RIGI: variants seen among roughly 807,000 people sequenced by gnomAD.
The protein encoded by RIGI is RNA sensor RIG-I, also known as antiviral innate immune response receptor RIG-I.
the RIGI span, among the ~76,000 whole-genome samples, chr9:32,508,239 A>ATTTTTTTTTTTTTTTTTTTTTTT: frequency 0.028 from 1,946 of 70,228 alleles, 564 homozygotes; most frequent in Non-Finnish European, 0.037. Flanking sequence ...TATTTACTTA[A>ATTTTTTTTTTTTTTTTTTTTTTT]TTTTTTTTTT....
At chr9:32,464,212 G>A in the RIGI span, among the ~76,000 whole-genome samples, 1 of 151,476 alleles carries the variant, frequency 6.6e-6, no homozygotes, top group Non-Finnish European at 1.5e-5. Flanking sequence ...TTTGCCCTCT[G>A]TTCTGCAGAG....
chr9:32,457,682 C>G, the RIGI span, among the ~76,000 whole-genome samples: 3 of 152,098 alleles, frequency 2.0e-5, no homozygotes, highest in Non-Finnish European at 2.9e-5. Flanking sequence ...TAAGAAGGTT[C>G]CAGGTAACCC....
At chr9:32,459,593 CA>C in the RIGI span, 3 of 1,329,828 alleles carry the variant, frequency 2.3e-6, no homozygotes, top group Non-Finnish European at 3.1e-6. Flanking sequence ...ACGTACAATA[CA>C]TATACATGCA....
At chr9:32,499,164 G>A in the RIGI span, among the ~76,000 whole-genome samples, 20 of 151,526 alleles carry the variant, frequency 1.3e-4, no homozygotes, top group Admixed American at 8.5e-4. Context: ...TTCATTCTTC[G>A]TATTCATTGA....
At chr9:32,459,279 A>C in the RIGI span, 2 of 1,414,440 alleles carry the variant, frequency 1.4e-6, no homozygotes, top group South Asian at 2.5e-5. Flanking sequence ...TAACAATGGA[A>C]ATAATAGTAG....
the RIGI span, chr9:32,459,252 AC>A: frequency 8.2e-7 from 1 of 1,219,014 alleles, no homozygotes; most frequent in Non-Finnish European, 1.2e-6. Flanking sequence ...TTTTAAATAC[AC>A]AGATCATGGC....
the RIGI span, chr9:32,489,575 A>C: frequency 2.4e-5 from 12 of 498,576 alleles, no homozygotes; most frequent in African/African-American, 2.2e-4. Context: ...GAAAGTTTAG[A>C]ATCCTTTCTC....
the RIGI span, among the ~76,000 whole-genome samples, chr9:32,473,902 C>T: frequency 6.6e-6 from 1 of 152,140 alleles, no homozygotes; most frequent in African/African-American, 2.4e-5. Flanking sequence ...GTGGCACACA[C>T]CTGTAGTCTC....
the RIGI span, among the ~76,000 whole-genome samples, chr9:32,503,258 A>C: frequency 1.3e-5 from 2 of 152,208 alleles, no homozygotes; most frequent in East Asian, 3.9e-4. Flanking sequence ...TTCCCAGATA[A>C]ACTGCCTTGC....
At chr9:32,492,747 T>A in the RIGI span, among the ~76,000 whole-genome samples, 2 of 152,304 alleles carry the variant, frequency 1.3e-5, no homozygotes, top group East Asian at 3.9e-4. Flanking sequence ...ACACATGATG[T>A]CACTATGTCA....
At chr9:32,473,995 T>G in the RIGI span, among the ~76,000 whole-genome samples, 3 of 152,130 alleles carry the variant, frequency 2.0e-5, no homozygotes, top group Non-Finnish European at 4.4e-5. Flanking sequence ...GCCACTGCAC[T>G]CCGGCCTGGG....
chr9:32,499,925 T>C, the RIGI span, among the ~76,000 whole-genome samples: 1 of 152,222 alleles, frequency 6.6e-6, no homozygotes, highest in African/African-American at 2.4e-5. Flanking sequence ...CAGCTTGAGT[T>C]TGTTCGGCTT....
chr9:32,484,230 A>T, the RIGI span, among the ~76,000 whole-genome samples: 2 of 152,224 alleles, frequency 1.3e-5, no homozygotes, highest in Non-Finnish European at 2.9e-5. Flanking sequence ...AAATGTATTC[A>T]TGAAGACTAA....
the RIGI span, among the ~76,000 whole-genome samples, chr9:32,468,210 T>C: frequency 1.3e-5 from 2 of 152,354 alleles, no homozygotes; most frequent in South Asian, 2.1e-4. Context: ...AGCCATATTA[T>C]CCAAGAAATA....
chr9:32,470,518 T>C, the RIGI span, among the ~76,000 whole-genome samples: 1 of 152,196 alleles, frequency 6.6e-6, no homozygotes, highest in Non-Finnish European at 1.5e-5. Flanking sequence ...CTTTTGATTT[T>C]TTTTCAAACA....
the RIGI span, among the ~76,000 whole-genome samples, chr9:32,482,739 G>T: frequency 2.0e-5 from 3 of 151,858 alleles, no homozygotes; most frequent in Non-Finnish European, 2.9e-5. Flanking sequence ...CGCACCTGAA[G>T]TCCCAGCTAC....
chr9:32,498,104 T>G, the RIGI span, among the ~76,000 whole-genome samples: 1 of 152,122 alleles, frequency 6.6e-6, no homozygotes. Context: ...CTTTAGCAGT[T>G]TCAACACACC....
At chr9:32,501,940 G>C in the RIGI span, among the ~76,000 whole-genome samples, 13 of 152,098 alleles carry the variant, frequency 8.5e-5, no homozygotes, top group Non-Finnish European at 1.5e-4. Flanking sequence ...ATGGTTTTTG[G>C]AACTGTGAAT....
the RIGI span, among the ~76,000 whole-genome samples, chr9:32,524,596 G>GTTTTTTTTTTTTTTT: frequency 4.1e-4 from 28 of 67,582 alleles, 1 homozygote; most frequent in African/African-American, 7.1e-4. Context: ...TTGTTTTTCG[G>GTTTTTTTTTTTTTTT]TTTTTTTTTT....
Sources: allele counts gnomAD v4.1 joint callset (sites outside exome capture counted in the v4.1 genomes callset), GRCh38; gene constraint gnomAD v4.1.1; transcripts MANE v1.5; gene names NCBI Gene and HGNC (gene_info 2026-07-23, HGNC 2026-07-21).